The following PLAGL1 variants were observed in gnomAD, a reference collection of about 807,000 sequenced individuals.
The protein encoded by PLAGL1 is zinc finger protein PLAGL1.
In PLAGL1, 1 loss-of-function variant was observed where a neutral mutation model predicts 4.6. The ratio of observed to expected loss-of-function variants is 0.22; its 90% CI spans 0.08 to 1.03. The LOEUF is 1.03. Among genes scored for constraint, PLAGL1 ranks in the 50% least tolerant of loss-of-function variants. PLAGL1 has a pLI of 0.58. For synonymous variants in PLAGL1, 240 were observed against 237.8 expected, an observed-to-expected ratio of 1.01 and a Z score of -0.08; for missense variants, 464 against 570.4, an observed-to-expected ratio of 0.81 and a Z score of 1.90.
At chr6:144,007,102 C>T (rs1486484891) in intron 1 of PLAGL1, 1 of 152,194 alleles carries the variant, frequency 6.6e-6, no homozygotes, top group Non-Finnish European at 1.5e-5. Flanking sequence ...TTTTCCAGAT[C>T]CTTAACTGTT....
rs1321048525 is a variant in PLAGL1 at position 143,948,290 on chromosome 6, C to G, written c.-154G>C. The G allele has an allele frequency of 1.6e-5, 10 of 639,414 alleles. No individual in the cohort carries two copies. The highest frequency in any genetic ancestry group is 2.8e-5 in the Non-Finnish European group (10 of 359,762). The allele number at this position is 639,414 out of a possible 1,614,324, so 39.6% of individuals were successfully genotyped here. A position where few individuals can be genotyped will look rare whatever the true frequency, so the allele number is the denominator to read the frequency against. ...GGCAGCATCGTGGGCCTGGTTCTACCCAGACATGGACCTCTCAGCTGTCAC... is the reference window on the plus strand; with the variant it reads ...GGCAGCATCGTGGGCCTGGTTCTACGCAGACATGGACCTCTCAGCTGTCAC... On this transcript the variant is annotated 5_prime_UTR_variant, in exon 7 of 8. Coordinates refer to ENST00000674357, the MANE Select transcript of PLAGL1 (RefSeq NM_001317162.2). This position sits in a 1 kb window ranked among gnomAD's most constrained non-coding sequence, Gnocchi z 6.0.
rs1019222595 is a variant in PLAGL1, at chr6:144,025,021, C to T, written c.-151+39447G>A. Among the ~76,000 whole-genome samples the T allele has an allele frequency of 4.6e-5, 7 of 152,130 alleles. No homozygotes were observed. In the South Asian group the frequency reaches 8.3e-4, roughly 18 times the overall value. ...CTTAAGCATAGGCTGCATGTACAGC[C>T]CTCCTTCCAAAGTGTACATTATAGA... On this transcript the variant is annotated intron_variant, in intron 1 of 3. Transcript: ENST00000437412.
At chr6:143,944,829 A>G (rs73004494) in intron 7 of PLAGL1, among the ~76,000 whole-genome samples, 3,679 of 149,692 alleles carry the variant, frequency 0.025, 64 homozygotes, top group Non-Finnish European at 0.038. Flanking sequence ...AGGATCCCAT[A>G]GCTCTTGGGT....
At position 143,994,217 on chromosome 6, in the gene PLAGL1, C is replaced by T. The variant is rs560621765; in HGVS notation, c.-583-9043G>A. ...GTATACTCGTGAAATTTATAACTTA[C>T]AATGTGGGAAATACTAGGTTTGGAT... On this transcript the variant is annotated intron_variant, in intron 1 of 7. Coordinates refer to ENST00000674357, the MANE Select transcript of PLAGL1 (RefSeq NM_001317162.2). This position sits in a 1 kb window ranked among gnomAD's most constrained non-coding sequence, Gnocchi z 4.3. Among the ~76,000 whole-genome samples the T allele has an allele frequency of 3.3e-5, 5 of 152,176 alleles. No homozygotes were observed. Among genetic ancestry groups the T allele is most frequent in the Admixed American group, 3.3e-4 (5 of 15,288 alleles).
chr6:143,982,051 C>A lies in PLAGL1; in HGVS notation c.-544+3084G>T, dbSNP rs1181339780. Reference sequence around the variant, plus strand: ...TGAACAAAACACGCAAAAATTCCTACCCTTGTGAAGCGCACCAATGAATTA... The same window carrying A: ...TGAACAAAACACGCAAAAATTCCTAACCTTGTGAAGCGCACCAATGAATTA... On this transcript the variant is annotated intron_variant, in intron 2 of 7. Transcript: ENST00000674357. The surrounding 1 kb of genome is among the most constrained non-coding windows in gnomAD (Gnocchi z 5.3). Among the ~76,000 whole-genome samples the A allele has an allele frequency of 1.3e-5, 2 of 152,262 alleles. No homozygotes were observed. The highest frequency in any genetic ancestry group is 3.9e-4 in the East Asian group (2 of 5,192).
chr6:143,955,234 C>G lies in PLAGL1; in HGVS notation c.-325+5235G>C, dbSNP rs529159653. On this transcript the variant is annotated intron_variant, in intron 6 of 7. Coordinates refer to ENST00000674357, the MANE Select transcript of PLAGL1 (RefSeq NM_001317162.2). The surrounding 1 kb of genome is among the most constrained non-coding windows in gnomAD (Gnocchi z 4.9). ...TTGAAGCTAGCGTAGAAGTTTACAACGTGTTCAAGAGGGAGGTGGTCTATT... is the reference window on the plus strand; with the variant it reads ...TTGAAGCTAGCGTAGAAGTTTACAAGGTGTTCAAGAGGGAGGTGGTCTATT... Among the ~76,000 whole-genome samples, 1 of 152,080 alleles carries G rather than the reference C, an allele frequency of 6.6e-6. No individual in the cohort carries two copies. Among genetic ancestry groups the G allele is most frequent in the South Asian group, 2.1e-4 (1 of 4,822 alleles).
intron 1 of PLAGL1, chr6:144,007,307 T>G (rs951008184): frequency 1.3e-5 from 2 of 151,846 alleles, no homozygotes; most frequent in East Asian, 3.9e-4. Context: ...GGGGAGGACT[T>G]AGGGGACCAG....
upstream of PLAGL1, among the ~76,000 whole-genome samples, chr6:144,009,373 A>C (rs1294431147): frequency 6.6e-6 from 1 of 152,158 alleles, no homozygotes; most frequent in African/African-American, 2.4e-5. Context: ...TTCAAGTCAT[A>C]TTCCTAAGGA....
chr6:144,038,364 A>C lies in PLAGL1; in HGVS notation c.-151+26104T>G, dbSNP rs78820157. On this transcript the variant is annotated intron_variant, in intron 1 of 3. Coordinates refer to the PLAGL1 transcript ENST00000437412. ...ATTCATATGAAAATTCAAGGGAACC[A>C]GAATTACCAAAAAATCTTGAAAGAG... is the stretch of plus-strand genomic sequence containing the variant. 8.9e-3 allele frequency among the ~76,000 whole-genome samples: 1,363 copies of C among 152,366 alleles called. 80 individuals are homozygous for C. In the East Asian group the frequency reaches 0.16, roughly 18 times the overall value.
chr6:144,052,674 G>A (rs1273667354), intron 1 of PLAGL1, among the ~76,000 whole-genome samples: 3 of 152,044 alleles, frequency 2.0e-5, no homozygotes, highest in Non-Finnish European at 4.4e-5. Context: ...CAATATGCTG[G>A]CAGCTTCACA....
intron 1 of PLAGL1, among the ~76,000 whole-genome samples, chr6:144,054,438 G>A (rs1798798938): frequency 6.6e-6 from 1 of 152,184 alleles, no homozygotes; most frequent in South Asian, 2.1e-4. Flanking sequence ...ATGATATCAT[G>A]TCCCTTGCAG....
Position 143,990,411 on chromosome 6 carries a change from G to A in PLAGL1, c.-583-5237C>T, listed in dbSNP as rs116612475. ...AGGGATTACAGGTGTGAGCCATCGTGCCCGGCTGATATTCCTCAATTTTTA... is the reference window on the plus strand; with the variant it reads ...AGGGATTACAGGTGTGAGCCATCGTACCCGGCTGATATTCCTCAATTTTTA... On this transcript the variant is annotated intron_variant, in intron 1 of 7. Coordinates refer to ENST00000674357, the MANE Select transcript of PLAGL1 (RefSeq NM_001317162.2). The surrounding 1 kb of genome is among the most constrained non-coding windows in gnomAD (Gnocchi z 5.4). Among the ~76,000 whole-genome samples the A allele has an allele frequency of 0.041, 6,226 of 152,208 alleles. 435 individuals carry two copies. The highest frequency in any genetic ancestry group is 0.14 in the African/African-American group (5,838 of 41,514).
rs537309866 is a variant in PLAGL1, at chr6:144,004,001, G to A, written c.-584+4089C>T. 2.0e-4 allele frequency among the ~76,000 whole-genome samples: 30 copies of A among 152,170 alleles called. No homozygotes were observed. The highest frequency in any genetic ancestry group is 6.0e-4 in the African/African-American group (25 of 41,514). ...AATGAAAACAACTCAAATGTTAATC[G>A]ACAAGAAAATGAATAAGTAAATTGC... On this transcript the variant is annotated intron_variant, in intron 1 of 7. Coordinates refer to ENST00000674357, the MANE Select transcript of PLAGL1 (RefSeq NM_001317162.2). The surrounding 1 kb of genome is among the most constrained non-coding windows in gnomAD (Gnocchi z 4.2).
rs187772189 is a variant in PLAGL1, at chr6:143,995,301, C to T, written c.-583-10127G>A. 2.4e-4 allele frequency among the ~76,000 whole-genome samples: 36 copies of T among 152,198 alleles called. No homozygotes were observed. Among genetic ancestry groups the T allele is most frequent in the Admixed American group, 4.6e-4 (7 of 15,292 alleles). ...GTATTATGCAGATTATTTGTATGCA[C>T]GTATCAAGCTACCCTTTTCATATCA... is the stretch of plus-strand genomic sequence containing the variant. On this transcript the variant is annotated intron_variant, in intron 1 of 7. Coordinates refer to ENST00000674357, the MANE Select transcript of PLAGL1 (RefSeq NM_001317162.2). This position sits in a 1 kb window ranked among gnomAD's most constrained non-coding sequence, Gnocchi z 4.4.
intron 1 of PLAGL1, among the ~76,000 whole-genome samples, chr6:144,023,446 C>T (rs188265453): frequency 7.2e-5 from 11 of 152,026 alleles, no homozygotes; most frequent in South Asian, 2.1e-4. Flanking sequence ...TACTAATGTA[C>T]GGCATAAACT....
intron 1 of PLAGL1, among the ~76,000 whole-genome samples, chr6:144,037,888 T>C (rs1290772501): frequency 6.6e-6 from 1 of 152,224 alleles, no homozygotes; most frequent in Non-Finnish European, 1.5e-5. Context: ...CTTTGATTCA[T>C]TGTTCAGGCT....
chr6:143,954,031 C>T lies in PLAGL1; in HGVS notation c.-324-5571G>A, dbSNP rs1781591933. ...TAGCCTGACACAGGGTGAATGTCCT[C>T]TCTCTCAGGGCAGGAGGATGGAGGA... On this transcript the variant is annotated intron_variant, in intron 6 of 7. Transcript: ENST00000674357. This position sits in a 1 kb window ranked among gnomAD's most constrained non-coding sequence, Gnocchi z 5.1. 6.6e-6 allele frequency among the ~76,000 whole-genome samples: 1 copy of T among 152,172 alleles called. No homozygotes were observed. Among genetic ancestry groups the T allele is most frequent in the Non-Finnish European group, 1.5e-5 (1 of 68,036 alleles).
Position 143,947,890 on chromosome 6 carries a change from C to G in PLAGL1, c.152+95G>C, listed in dbSNP as rs1276153426. ...TCAAAGGCTAAAATGCATCCATATC[C>G]TGTGTCCCTTTCCCCTTGCATCGTG... On this transcript the variant is annotated intron_variant, in intron 7 of 7. Coordinates refer to ENST00000674357, the MANE Select transcript of PLAGL1 (RefSeq NM_001317162.2). The surrounding 1 kb of genome is among the most constrained non-coding windows in gnomAD (Gnocchi z 4.3). 2.7e-5 allele frequency: 27 copies of G among 983,908 alleles called. No homozygotes were observed. Among genetic ancestry groups the G allele is most frequent in the South Asian group, 2.3e-4 (15 of 64,272 alleles). 60.9% of individuals were successfully genotyped at this position (983,908 alleles called of 1,614,324 possible).
At chr6:144,014,478 C>T (rs1032449426) in intron 1 of PLAGL1, among the ~76,000 whole-genome samples, 1 of 151,928 alleles carries the variant, frequency 6.6e-6, no homozygotes, top group South Asian at 2.1e-4. Flanking sequence ...ATAAGGGTAC[C>T]GACAGTAGGG....
Sources: gnomAD v4.1 joint callset for allele counts (sites outside exome capture counted in the v4.1 genomes callset) on GRCh38, gnomAD v4.1.1 for gene constraint, Gnocchi (gnomAD v3.1) non-coding constraint, MANE v1.5 for transcripts, NCBI Gene and HGNC (gene_info 2026-07-23, HGNC 2026-07-21) for gene names.